Variants in GRM7 observed in about 807,000 individuals in gnomAD.
GRM7 encodes glutamate metabotropic receptor 7, also known as metabotropic glutamate receptor 7.
GRM7 carries 35 observed loss-of-function variants against 84.5 expected under a neutral mutation model. The ratio of observed to expected loss-of-function variants is 0.41; its 90% CI spans 0.32 to 0.55. The LOEUF (loss-of-function observed/expected upper bound fraction) is 0.55, where lower values mean the gene tolerates loss of function less well. GRM7 is among the 20% of genes least tolerant of loss of function. The pLI is 0.19. For missense variants in GRM7, 1,003 were observed against 1,194.6 expected (o/e 0.84, Z 2.36); for synonymous variants, 487 against 455.1 (o/e 1.07, Z -0.89).
At chr3:7,038,148 C>T (rs951360269) in intron 1 of GRM7, among the ~76,000 whole-genome samples, 20 of 152,266 alleles carry the variant, frequency 1.3e-4, no homozygotes, top group Non-Finnish European at 2.4e-4. Flanking sequence ...CCAACCTCAG[C>T]GACAAAGCTG....
rs1182945231 is a variant in GRM7 at position 7,188,431 on chromosome 3, A to G, written c.736+41763A>G. Reference sequence around the variant, plus strand: ...TATCCAGCTCATATCTTGTTTTTCTATGGTGCTCCAGTGAAAATATTTTTA... The same window carrying G: ...TATCCAGCTCATATCTTGTTTTTCTGTGGTGCTCCAGTGAAAATATTTTTA... On this transcript the variant is annotated intron_variant, in intron 2 of 9. Coordinates refer to ENST00000357716, the MANE Select transcript of GRM7 (RefSeq NM_000844.4). This position sits in a 1 kb window ranked among gnomAD's most constrained non-coding sequence, Gnocchi z 4.2. 6.6e-6 allele frequency among the ~76,000 whole-genome samples: 1 copy of G among 152,160 alleles called. No individual in the cohort carries two copies. The highest frequency in any genetic ancestry group is 1.5e-5 in the Non-Finnish European group (1 of 68,028).
chr3:7,198,184 A>C (rs1315473709), intron 2 of GRM7, among the ~76,000 whole-genome samples: 2 of 152,066 alleles, frequency 1.3e-5, no homozygotes, highest in Admixed American at 1.3e-4. Flanking sequence ...GAGATGGAAA[A>C]CAGGCACACT....
intron 1 of GRM7, among the ~76,000 whole-genome samples, chr3:7,132,321 CT>C (rs1374861519): frequency 6.6e-6 from 1 of 152,110 alleles, no homozygotes; most frequent in African/African-American, 2.4e-5. Context: ...CATAAATACG[CT>C]CATGGAGTTA....
chr3:7,026,251 C>G (rs1695978533), intron 1 of GRM7, among the ~76,000 whole-genome samples: 2 of 152,154 alleles, frequency 1.3e-5, no homozygotes, highest in South Asian at 4.1e-4. Flanking sequence ...ACCAGAGCCA[C>G]CTACAAGTTG....
intron 9 of GRM7, among the ~76,000 whole-genome samples, chr3:7,719,448 G>A (rs1237373983): frequency 1.3e-5 from 2 of 152,116 alleles, no homozygotes; most frequent in Non-Finnish European, 2.9e-5. Flanking sequence ...ATCAATTTCA[G>A]AGTTTAGACC....
At chr3:7,628,193 A>G (rs1697704363) in intron 8 of GRM7, among the ~76,000 whole-genome samples, 1 of 152,190 alleles carries the variant, frequency 6.6e-6, no homozygotes, top group Non-Finnish European at 1.5e-5. Context: ...AATGGGTAGC[A>G]CACACTTTAA....
chr3:7,247,335 G>T (rs746437307), intron 2 of GRM7, among the ~76,000 whole-genome samples: 33 of 152,178 alleles, frequency 2.2e-4, no homozygotes, highest in Middle Eastern at 3.4e-3. Context: ...ACCTTGAGAG[G>T]CCGAGGCACA....
chr3:6,920,248 A>G (rs6443075), intron 1 of GRM7, among the ~76,000 whole-genome samples: 7,384 of 152,208 alleles, frequency 0.049, 623 homozygotes, highest in African/African-American at 0.17. Flanking sequence ...ATCAATCCCT[A>G]AATTAACAAA....
chr3:7,644,639 C>A (rs1443070826), intron 8 of GRM7, among the ~76,000 whole-genome samples: 1 of 152,118 alleles, frequency 6.6e-6, no homozygotes, highest in Non-Finnish European at 1.5e-5. Context: ...AAAGGGTAGT[C>A]CTGGGAATGT....
chr3:7,143,638 G>A (rs1694019982), intron 1 of GRM7, among the ~76,000 whole-genome samples: 1 of 152,154 alleles, frequency 6.6e-6, no homozygotes, highest in African/African-American at 2.4e-5. Flanking sequence ...GCATGGTGTA[G>A]AAAATGCATT....
At chr3:6,915,896 C>A (rs943088875) in intron 1 of GRM7, among the ~76,000 whole-genome samples, 6 of 152,154 alleles carry the variant, frequency 3.9e-5, no homozygotes, top group Non-Finnish European at 7.3e-5. Context: ...TCTTTCCTAG[C>A]CCATGAGCTT....
chr3:7,691,275 T>C, intron 9 of GRM7: 1 of 1,287,364 alleles, frequency 7.8e-7, no homozygotes, highest in South Asian at 1.2e-5. Context: ...TTGTTCTTCT[T>C]GAGCTGACCC....
chr3:7,143,628 G>A lies in GRM7; in HGVS notation c.520-2824G>A, dbSNP rs553438109. Among the ~76,000 whole-genome samples the A allele has an allele frequency of 1.6e-4, 25 of 152,222 alleles. No homozygotes were observed. In the South Asian group the frequency reaches 5.2e-3, roughly 32 times the overall value. On this transcript the variant is annotated intron_variant, in intron 1 of 9. Coordinates refer to ENST00000357716, the MANE Select transcript of GRM7 (RefSeq NM_000844.4). ...AGGATTTTCATTACTAAAATATGGG[G>A]CATGGTGTAGAAAATGCATTGCATT...
chr3:7,369,905 A>G (rs1010881836), intron 4 of GRM7, among the ~76,000 whole-genome samples: 4 of 152,080 alleles, frequency 2.6e-5, no homozygotes, highest in African/African-American at 9.7e-5. Context: ...GTATTTTTCT[A>G]TTATTTTTCT....
chr3:7,430,748 G>A (rs1442454674), intron 5 of GRM7, among the ~76,000 whole-genome samples: 44 of 152,176 alleles, frequency 2.9e-4, no homozygotes, highest in Non-Finnish European at 1.5e-5. Context: ...TAGAAGCACT[G>A]ATTATCTTTT....
chr3:7,411,126 A>G (rs1033224389), intron 4 of GRM7, among the ~76,000 whole-genome samples: 25 of 151,730 alleles, frequency 1.6e-4, no homozygotes, highest in Admixed American at 1.4e-3. Flanking sequence ...TCTTATAAGG[A>G]CTCTTGTCAT....
At chr3:7,607,862 C>G (rs978936776) in intron 8 of GRM7, 2 of 157,980 alleles carry the variant, frequency 1.3e-5, no homozygotes, top group Non-Finnish European at 2.8e-5. Context: ...CAATAGTTAC[C>G]TTTCCTGCTC....
At chr3:7,382,823 T>C (rs1452375127) in intron 4 of GRM7, among the ~76,000 whole-genome samples, 1 of 152,214 alleles carries the variant, frequency 6.6e-6, no homozygotes, top group African/African-American at 2.4e-5. Context: ...TGGCAGAAAT[T>C]AATGAGTCTG....
chr3:7,110,353 C>G (rs1245757791), intron 1 of GRM7, among the ~76,000 whole-genome samples: 1 of 152,092 alleles, frequency 6.6e-6, no homozygotes, highest in Admixed American at 6.6e-5. Context: ...GTAATCCCAG[C>G]ACTTTGGGAG....
Sources: gnomAD v4.1 joint callset for allele counts (sites outside exome capture counted in the v4.1 genomes callset) on GRCh38, gnomAD v4.1.1 for gene constraint, Gnocchi (gnomAD v3.1) non-coding constraint, MANE v1.5 for transcripts, NCBI Gene and HGNC (gene_info 2026-07-23, HGNC 2026-07-21) for gene names.